The following GATAD2A variants were observed in gnomAD, a reference collection of about 807,000 sequenced individuals.
The protein encoded by GATAD2A is transcriptional repressor p66-alpha.
A neutral mutation model predicts 68.5 loss-of-function variants in GATAD2A; 12 were observed. The observed-to-expected ratio is 0.18, with a 90% CI of 0.11 to 0.28. GATAD2A has a LOEUF of 0.28. GATAD2A is among the 10% of genes least tolerant of loss of function. The pLI, the probability that GATAD2A is intolerant of heterozygous loss-of-function variation, is 1.00. For synonymous variants in GATAD2A, 410 were observed against 375.3 expected (o/e 1.09, Z -1.07); for missense variants, 755 against 868.5 (o/e 0.87, Z 1.64).
At chr19:19,434,500 C>T (rs527370115) in intron 1 of GATAD2A, among the ~76,000 whole-genome samples, 13 of 152,124 alleles carry the variant, frequency 8.5e-5, no homozygotes, top group South Asian at 2.1e-4. Context: ...GAGTGTTTCT[C>T]GCCATCCATC....
At chr19:19,451,338 G>A (rs73002945) in intron 1 of GATAD2A, among the ~76,000 whole-genome samples, 337 of 152,252 alleles carry the variant, frequency 2.2e-3, no homozygotes, top group Non-Finnish European at 4.1e-3. Context: ...CCGAGATCAC[G>A]CCACTGCACT....
chr19:19,447,977 T>G (rs561623286), intron 1 of GATAD2A, among the ~76,000 whole-genome samples: 18 of 152,356 alleles, frequency 1.2e-4, no homozygotes, highest in African/African-American at 4.3e-4. Context: ...TTCGCCTGGC[T>G]CAGCCCTGAG....
intron 1 of GATAD2A, among the ~76,000 whole-genome samples, chr19:19,454,465 G>A (rs1036989902): frequency 1.3e-5 from 2 of 151,878 alleles, no homozygotes; most frequent in African/African-American, 4.8e-5. Context: ...TGGGTGTGTT[G>A]GCACCCACCT....
intron 1 of GATAD2A, among the ~76,000 whole-genome samples, chr19:19,425,929 AC>A (rs1410983523): frequency 3.3e-5 from 5 of 152,088 alleles, no homozygotes; most frequent in Admixed American, 6.6e-5. Context: ...AGCTGGGACT[AC>A]AGGTGCTCCG....
chr19:19,394,969 C>G (rs1451316898), intron 1 of GATAD2A, among the ~76,000 whole-genome samples: 1 of 152,100 alleles, frequency 6.6e-6, no homozygotes, highest in Admixed American at 6.6e-5. Flanking sequence ...CCCTTCCACC[C>G]AAGTTCTGAC....
chr19:19,454,409 G>C (rs555335065), intron 1 of GATAD2A, among the ~76,000 whole-genome samples: 1 of 151,626 alleles, frequency 6.6e-6, no homozygotes, highest in Non-Finnish European at 1.5e-5. Flanking sequence ...ACCAGCCTGG[G>C]CAACATGGTG....
Position 19,492,564 on chromosome 19 carries a change from T to A in GATAD2A, c.403-17T>A. On this transcript the variant is annotated splice_polypyrimidine_tract_variant and intron_variant, in intron 3 of 11. Coordinates refer to ENST00000683918, the MANE Select transcript of GATAD2A (RefSeq NM_001384528.1). Reference sequence around the variant, plus strand: ...CAAGGACGCTCCCTCTCAACCCTGTTCCTCTCGCCCCTGCAGAAAAGCAGT... The same window carrying A: ...CAAGGACGCTCCCTCTCAACCCTGTACCTCTCGCCCCTGCAGAAAAGCAGT... 6.2e-7 allele frequency: 1 copy of A among 1,614,102 alleles called. No homozygotes were observed. The highest frequency in any genetic ancestry group is 8.5e-7 in the Non-Finnish European group (1 of 1,179,956).
chr19:19,396,646 G>A (rs934789394), intron 1 of GATAD2A, among the ~76,000 whole-genome samples: 8 of 152,216 alleles, frequency 5.3e-5, no homozygotes, highest in African/African-American at 1.7e-4. Context: ...GCCTCTTAAA[G>A]TGCTGGGATT....
chr19:19,468,592 G>A (rs528491922), intron 2 of GATAD2A, among the ~76,000 whole-genome samples: 14 of 152,304 alleles, frequency 9.2e-5, no homozygotes, highest in African/African-American at 2.9e-4. Context: ...CATCTGGGGA[G>A]CATTAATAAG....
chr19:19,441,666 A>AT (rs1401720523), intron 1 of GATAD2A: 1 of 179,124 alleles, frequency 5.6e-6, no homozygotes, highest in Non-Finnish European at 1.2e-5. Flanking sequence ...GGTTCATGCC[A>AT]TTCTCCTGCC....
rs1174741590 is a variant in GATAD2A at position 19,506,945 on chromosome 19, C to T, written c.*1471C>T. ...GGGCCACCGCCTTCAAACACAACTGCTACAACATTCTAATAAAGGCTCATT... is the reference window on the plus strand; with the variant it reads ...GGGCCACCGCCTTCAAACACAACTGTTACAACATTCTAATAAAGGCTCATT... On this transcript the variant is annotated 3_prime_UTR_variant, in exon 12 of 12. Transcript: ENST00000683918. The T allele has an allele frequency of 6.6e-6, 1 of 152,128 alleles. No individual in the cohort carries two copies. The highest frequency in any genetic ancestry group is 1.5e-5 in the Non-Finnish European group (1 of 68,042). The allele number at this position is 152,128 out of a possible 1,614,324, so 9.4% of individuals were successfully genotyped here. A position where few individuals can be genotyped will look rare whatever the true frequency, so the allele number is the denominator to read the frequency against.
At chr19:19,392,020 C>T (rs1224082682) in intron 1 of GATAD2A, among the ~76,000 whole-genome samples, 2 of 151,512 alleles carry the variant, frequency 1.3e-5, no homozygotes, top group African/African-American at 4.9e-5. Flanking sequence ...TGACTTCATC[C>T]TCTCAGAAAC....
chr19:19,460,416 C>A (rs971074078), intron 1 of GATAD2A, among the ~76,000 whole-genome samples: 1 of 152,194 alleles, frequency 6.6e-6, no homozygotes, highest in Non-Finnish European at 1.5e-5. Context: ...TCACAGCTAG[C>A]GAGGCTAGCA....
At chr19:19,402,378 ATAAC>A (rs1332640960), upstream of GATAD2A, 1 of 150,568 alleles carries the variant, frequency 6.6e-6, no homozygotes. Context: ...TTTTAACTAA[ATAAC>A]AGGTGTTTTG....
rs551025162 is a variant in GATAD2A at position 19,427,187 on chromosome 19, A to G, written c.-7+21168A>G. ...GGGGATAGAGTTTCAGCTGGGGAAG[A>G]TGGTAAGTTCTGGAGATGGATGGAT... On this transcript the variant is annotated intron_variant, in intron 1 of 11. Coordinates refer to ENST00000683918, the MANE Select transcript of GATAD2A (RefSeq NM_001384528.1). 3.3e-5 allele frequency among the ~76,000 whole-genome samples: 5 copies of G among 152,232 alleles called. No individual in the cohort carries two copies. The East Asian group carries it at 7.7e-4, about 24-fold the overall frequency.
At chr19:19,450,262 C>T (rs2056229578) in intron 1 of GATAD2A, among the ~76,000 whole-genome samples, 1 of 152,192 alleles carries the variant, frequency 6.6e-6, no homozygotes, top group Non-Finnish European at 1.5e-5. Context: ...AGGGACCCTG[C>T]CATTCAGCAG....
chr19:19,448,028 A>G (rs1271179269), intron 1 of GATAD2A, among the ~76,000 whole-genome samples: 2 of 152,156 alleles, frequency 1.3e-5, no homozygotes, highest in Non-Finnish European at 2.9e-5. Flanking sequence ...CCATTTTGTG[A>G]TGTGACGCCT....
chr19:19,476,018 T>C (rs1030146060), intron 2 of GATAD2A, among the ~76,000 whole-genome samples: 1 of 152,188 alleles, frequency 6.6e-6, no homozygotes, highest in Non-Finnish European at 1.5e-5. Flanking sequence ...GAACTTCAGC[T>C]TCTCCAAGGT....
At chr19:19,389,960 C>T (rs1489973792) in intron 1 of GATAD2A, among the ~76,000 whole-genome samples, 1 of 152,152 alleles carries the variant, frequency 6.6e-6, no homozygotes, top group Admixed American at 6.6e-5. Flanking sequence ...GACGAGGTCT[C>T]ACCATGTTGC....
Sources: allele counts gnomAD v4.1 joint callset (sites outside exome capture counted in the v4.1 genomes callset), GRCh38; gene constraint gnomAD v4.1.1; transcripts MANE v1.5; gene names NCBI Gene and HGNC (gene_info 2026-07-23, HGNC 2026-07-21).